ASTN2: variants seen among roughly 807,000 people sequenced by gnomAD.
ASTN2 encodes astrotactin-2.
A neutral mutation model predicts 139.8 loss-of-function variants in ASTN2; 54 were observed. The observed-to-expected ratio is 0.39, with a 90% CI of 0.31 to 0.48. ASTN2 has a LOEUF of 0.48. ASTN2 is among the 20% of genes least tolerant of loss of function. The probability of loss-of-function intolerance (pLI) is 0.95; values close to 1 mark genes in which losing one functional copy is unlikely to be tolerated. For missense variants in ASTN2, 1,565 were observed against 1,725.1 expected (o/e 0.91, Z 1.64); for synonymous variants, 756 against 719.5 (o/e 1.05, Z -0.81).
chr9:117,190,380 C>G (rs139933799), intron 3 of ASTN2, among the ~76,000 whole-genome samples: 2 of 152,288 alleles, frequency 1.3e-5, no homozygotes, highest in East Asian at 3.9e-4. Context: ...AATCTCTATT[C>G]TCTGCTCTCG....
At chr9:117,235,256 G>T (rs867773790) in intron 2 of ASTN2, among the ~76,000 whole-genome samples, 1 of 151,260 alleles carries the variant, frequency 6.6e-6, no homozygotes, top group African/African-American at 2.4e-5. Context: ...AAAAAAAGGC[G>T]GGGGGAGGAT....
chr9:116,727,483 G>A (rs1013130686), intron 15 of ASTN2, among the ~76,000 whole-genome samples: 1 of 152,082 alleles, frequency 6.6e-6, no homozygotes, highest in African/African-American at 2.4e-5. Context: ...CTTCTAACAG[G>A]AACATCATAG....
At chr9:116,600,482 G>C (rs1264013822) in intron 19 of ASTN2, among the ~76,000 whole-genome samples, 1 of 152,196 alleles carries the variant, frequency 6.6e-6, no homozygotes, top group African/African-American at 2.4e-5. Flanking sequence ...ATGGTCAGAA[G>C]ATGTAAATTC....
At chr9:116,617,994 T>C (rs1015244145) in intron 19 of ASTN2, among the ~76,000 whole-genome samples, 8 of 152,138 alleles carry the variant, frequency 5.3e-5, no homozygotes, top group Admixed American at 5.2e-4. Flanking sequence ...ATAATATATT[T>C]ACAGATCAAG....
chr9:116,710,720 T>A (rs1403720254), intron 16 of ASTN2, among the ~76,000 whole-genome samples: 5 of 84,970 alleles, frequency 5.9e-5, no homozygotes, highest in African/African-American at 2.4e-4. Context: ...GCAACAAGAG[T>A]GAAACTCCGT....
chr9:116,440,825 G>A, intron 21 of ASTN2, 33 bp from the exon 22 acceptor site: 2 of 1,589,066 alleles, frequency 1.3e-6, no homozygotes, highest in South Asian at 1.1e-5. Flanking sequence ...ACAGATCACT[G>A]GGTGGTGAAA....
intron 7 of ASTN2, among the ~76,000 whole-genome samples, chr9:116,997,202 T>C (rs1049575388): frequency 1.3e-5 from 2 of 152,228 alleles, no homozygotes; most frequent in African/African-American, 2.4e-5. Context: ...CCTAACCTTC[T>C]TGACCTTCTA....
intron 19 of ASTN2, among the ~76,000 whole-genome samples, chr9:116,512,492 G>T (rs1204080848): frequency 6.6e-6 from 1 of 152,208 alleles, no homozygotes; most frequent in Non-Finnish European, 1.5e-5. Flanking sequence ...ATTTGGGGTG[G>T]AGAGTTCTGT....
intron 1 of ASTN2, among the ~76,000 whole-genome samples, chr9:117,305,752 G>A (rs145094252): frequency 3.2e-4 from 48 of 152,302 alleles, no homozygotes; most frequent in African/African-American, 1.1e-3. Flanking sequence ...TACTCTGTGC[G>A]AGTCTCTGTT....
At chr9:117,368,794 C>T (rs976536636) in intron 1 of ASTN2, among the ~76,000 whole-genome samples, 1 of 152,082 alleles carries the variant, frequency 6.6e-6, no homozygotes, top group Non-Finnish European at 1.5e-5. Context: ...ATAAAAATCC[C>T]ATTATCACAA....
chr9:116,531,878 C>T (rs2119294043), intron 19 of ASTN2, among the ~76,000 whole-genome samples: 1 of 152,236 alleles, frequency 6.6e-6, no homozygotes, highest in Admixed American at 6.5e-5. Flanking sequence ...TGGGTATATA[C>T]CCAGTAATGG....
At chr9:116,500,612 A>C (rs962172791) in intron 19 of ASTN2, among the ~76,000 whole-genome samples, 1 of 152,228 alleles carries the variant, frequency 6.6e-6, no homozygotes, top group Non-Finnish European at 1.5e-5. Flanking sequence ...AAGCAGCAGA[A>C]CAGACAATAT....
chr9:116,602,833 G>A (rs1262943812), intron 19 of ASTN2, among the ~76,000 whole-genome samples: 2 of 152,154 alleles, frequency 1.3e-5, no homozygotes, highest in African/African-American at 4.8e-5. Context: ...AGAAGGCTGA[G>A]GCAGAAAGAT....
intron 13 of ASTN2, among the ~76,000 whole-genome samples, chr9:116,735,654 G>A (rs1456502255): frequency 6.6e-6 from 1 of 152,202 alleles, no homozygotes; most frequent in Non-Finnish European, 1.5e-5. Flanking sequence ...AGTGGGGGCT[G>A]CTATCAGGAA....
chr9:117,086,141 A>G (rs1416214445), intron 5 of ASTN2, among the ~76,000 whole-genome samples: 3 of 152,132 alleles, frequency 2.0e-5, no homozygotes, highest in Admixed American at 6.5e-5. Context: ...TGTTGAACCC[A>G]TTTCTATTAT....
At chr9:116,877,601 G>C (rs1415453067) in intron 10 of ASTN2, among the ~76,000 whole-genome samples, 2 of 152,162 alleles carry the variant, frequency 1.3e-5, no homozygotes, top group African/African-American at 4.8e-5. Flanking sequence ...ATTTGGGGAT[G>C]GGAGTGTGGA....
In ASTN2 at chr9:117,181,042, GAAACAT is replaced by G. The variant is rs1277298298; in HGVS notation, c.1015+33310_1015+33315del. On this transcript the variant is annotated intron_variant, in intron 3 of 22. Transcript: ENST00000313400. ...CCTGCACTGGGGTAGCGCAAGGTCA[GAAACAT>G]AAACATACATCTGAAAGGCCTGTTT... 8.5e-6 allele frequency: 13 copies of G among 1,524,656 alleles called. No homozygotes were observed. In the East Asian group the frequency reaches 2.9e-4, roughly 34 times the overall value. The allele number at this position is 1,524,656 out of a possible 1,614,324, so 94.4% of individuals were successfully genotyped here.
At chr9:116,578,311 T>A (rs932803802) in intron 19 of ASTN2, among the ~76,000 whole-genome samples, 21 of 152,254 alleles carry the variant, frequency 1.4e-4, no homozygotes, top group African/African-American at 5.1e-4. Context: ...TTGTTAAAAC[T>A]AGGACCCAAA....
At chr9:116,696,277 T>G (rs934459229) in intron 16 of ASTN2, among the ~76,000 whole-genome samples, 2 of 152,182 alleles carry the variant, frequency 1.3e-5, no homozygotes, top group African/African-American at 4.8e-5. Flanking sequence ...CTAAGGATAA[T>G]AAAAAAGAGA....
Sources: gnomAD v4.1 joint callset for allele counts (sites outside exome capture counted in the v4.1 genomes callset) on GRCh38, gnomAD v4.1.1 for gene constraint, MANE v1.5 for transcripts, NCBI Gene and HGNC (gene_info 2026-07-23, HGNC 2026-07-21) for gene names.